NXPH1: variants seen among roughly 807,000 people sequenced by gnomAD.
The protein encoded by NXPH1 is neurexophilin 1, also known as neurexophilin-1.
Under a neutral mutation model 23.7 loss-of-function variants are expected in NXPH1, and 5 were observed. The ratio of observed to expected loss-of-function variants is 0.21; its 90% CI spans 0.11 to 0.44. NXPH1 has a LOEUF of 0.44. NXPH1 is among the 20% of genes least tolerant of loss of function. NXPH1 has a pLI of 0.99. For missense variants in NXPH1, 324 were observed against 321.6 expected, an observed-to-expected ratio of 1.01 and a Z score of -0.06; for synonymous variants, 144 against 122.2, an observed-to-expected ratio of 1.18 and a Z score of -1.18.
At chr7:8,663,607 A>G (rs1193161905) in intron 2 of NXPH1, among the ~76,000 whole-genome samples, 1 of 152,164 alleles carries the variant, frequency 6.6e-6, no homozygotes, top group East Asian at 1.9e-4. Context: ...CTCAATTGCC[A>G]AAATATAAAG....
Position 8,468,932 on chromosome 7 carries a change from G to T in NXPH1, c.54+33165G>T, listed in dbSNP as rs2057862. Among the ~76,000 whole-genome samples, 3 of 151,768 alleles carry T rather than the reference G, an allele frequency of 2.0e-5. No individual in the cohort carries two copies. In the South Asian group the frequency reaches 6.2e-4, roughly 32 times the overall value. On this transcript the variant is annotated intron_variant, in intron 2 of 2. Coordinates refer to ENST00000405863, the MANE Select transcript of NXPH1 (RefSeq NM_152745.3). ...AAAGTATATAAGGCAATTTTTAAGA[G>T]TGTTAAATTTTTATCTGTGATTTTG...
At chr7:8,590,790 A>C (rs907685393) in intron 2 of NXPH1, among the ~76,000 whole-genome samples, 1 of 150,000 alleles carries the variant, frequency 6.7e-6, no homozygotes, top group African/African-American at 2.5e-5. Context: ...TAGCATATTT[A>C]TTTAGTTTTT....
In NXPH1 at chr7:8,743,094, A is replaced by G. The variant is rs1184640038; in HGVS notation, c.55-7914A>G. 4.6e-5 allele frequency among the ~76,000 whole-genome samples: 7 copies of G among 152,208 alleles called. No individual in the cohort carries two copies. In the South Asian group the frequency reaches 1.4e-3, roughly 32 times the overall value. On this transcript the variant is annotated intron_variant, in intron 2 of 2. Transcript: ENST00000405863. ...CAACATATATTGAACATAGGTAACC[A>G]TAAACCACTAAAATGAAGTTGTAAT...
intron 2 of NXPH1, among the ~76,000 whole-genome samples, chr7:8,723,900 A>G (rs550950174): frequency 1.3e-5 from 2 of 152,322 alleles, no homozygotes; most frequent in African/African-American, 2.4e-5. Flanking sequence ...TCCTGAGACT[A>G]AAGGGAAAAG....
intron 2 of NXPH1, among the ~76,000 whole-genome samples, chr7:8,728,362 C>A (rs1780092200): frequency 6.6e-6 from 1 of 152,038 alleles, no homozygotes; most frequent in Non-Finnish European, 1.5e-5. Context: ...CTGGCCAGAA[C>A]TTCCAACACT....
intron 2 of NXPH1, among the ~76,000 whole-genome samples, chr7:8,737,522 C>T (rs553528453): frequency 6.6e-6 from 1 of 152,164 alleles, no homozygotes; most frequent in African/African-American, 2.4e-5. Context: ...GATGGGCTTC[C>T]CTTTGTGGGT....
chr7:8,599,738 C>T (rs1200297797), intron 2 of NXPH1, among the ~76,000 whole-genome samples: 2 of 151,794 alleles, frequency 1.3e-5, no homozygotes, highest in Non-Finnish European at 2.9e-5. Flanking sequence ...CAGTAAACAG[C>T]ACCATTACAG....
At position 8,442,252 on chromosome 7, in the gene NXPH1, GA is replaced by G. The variant is rs1816315291; in HGVS notation, c.54+6487del. ...ATCGCCTCATCTGCATGAGAATGGA[GA>G]ACCGGGAGGCTTTTCTTGTACTGTT... On this transcript the variant is annotated intron_variant, in intron 2 of 2. Coordinates refer to ENST00000405863, the MANE Select transcript of NXPH1 (RefSeq NM_152745.3). This position sits in a 1 kb window ranked among gnomAD's most constrained non-coding sequence, Gnocchi z 4.6. 6.6e-6 allele frequency among the ~76,000 whole-genome samples: 1 copy of G among 152,230 alleles called. No individual in the cohort carries two copies. The highest frequency in any genetic ancestry group is 1.5e-5 in the Non-Finnish European group (1 of 68,032).
At chr7:8,568,100 A>G (rs1818579584) in intron 2 of NXPH1, among the ~76,000 whole-genome samples, 1 of 151,908 alleles carries the variant, frequency 6.6e-6, no homozygotes, top group Non-Finnish European at 1.5e-5. Context: ...TATTCATCCT[A>G]AGTCCTTCAA....
chr7:8,549,021 C>T (rs1259693322), intron 2 of NXPH1, among the ~76,000 whole-genome samples: 1 of 151,496 alleles, frequency 6.6e-6, no homozygotes, highest in Non-Finnish European at 1.5e-5. Context: ...TGTTGTAGAA[C>T]TCCTTTGTTT....
Position 8,751,536 on chromosome 7 carries a change from C to T in NXPH1, c.583C>T (p.Arg195Cys). ...DAKDSKSFNC[R>C]IEYEKVDKAT... ...CAAAGATTCCAAGTCTTTTAATTGTCGCATTGAATATGAAAAGGTTGACAA... is the reference window on the plus strand; with the variant it reads ...CAAAGATTCCAAGTCTTTTAATTGTTGCATTGAATATGAAAAGGTTGACAA... The change falls in exon 3 of 3, where the codon CGC (arginine) becomes TGC (cysteine). Residue 195 changes from arginine (R) to cysteine (C), a missense_variant. By Grantham distance (180) the Arg-to-Cys change is radical. Coordinates refer to ENST00000405863, the MANE Select transcript of NXPH1 (RefSeq NM_152745.3). The surrounding 1 kb of genome is among the most constrained non-coding windows in gnomAD (Gnocchi z 4.5). 11 of 1,613,372 alleles carry T rather than the reference C, an allele frequency of 6.8e-6. No homozygotes were observed. Among genetic ancestry groups the T allele is most frequent in the African/African-American group, 1.3e-5 (1 of 75,010 alleles).
intron 2 of NXPH1, among the ~76,000 whole-genome samples, chr7:8,622,247 T>G (rs764095628): frequency 9.9e-5 from 15 of 152,216 alleles, no homozygotes; most frequent in Admixed American, 5.9e-4. Context: ...GTATTTGCAT[T>G]ATTATTTCAT....
chr7:8,595,162 A>G (rs1459737769), intron 2 of NXPH1, among the ~76,000 whole-genome samples: 1 of 152,002 alleles, frequency 6.6e-6, no homozygotes, highest in South Asian at 2.1e-4. Flanking sequence ...GGTTTTCTCT[A>G]GTATAAAGAA....
At chr7:8,680,695 A>G (rs1404168530) in intron 2 of NXPH1, among the ~76,000 whole-genome samples, 1 of 152,248 alleles carries the variant, frequency 6.6e-6, no homozygotes, top group Non-Finnish European at 1.5e-5. Context: ...TTATGCAATG[A>G]TCAAAGGAAT....
chr7:8,549,053 C>T (rs994809513), intron 2 of NXPH1, among the ~76,000 whole-genome samples: 1 of 151,418 alleles, frequency 6.6e-6, no homozygotes, highest in African/African-American at 2.4e-5. Context: ...GATAAAGTCC[C>T]ACTAATTATC....
intron 2 of NXPH1, among the ~76,000 whole-genome samples, chr7:8,718,887 G>C (rs1562464285): frequency 6.6e-6 from 1 of 152,168 alleles, no homozygotes; most frequent in Non-Finnish European, 1.5e-5. Context: ...GCCATCTACA[G>C]CTTTCTACCT....
chr7:8,656,507 GTTT>G (rs200902214), intron 2 of NXPH1, among the ~76,000 whole-genome samples: 97,076 of 136,820 alleles, frequency 0.71, 33,541 homozygotes, highest in South Asian at 0.87. Flanking sequence ...TAGAGTTAAT[GTTT>G]TTTTTTTTTT....
intron 2 of NXPH1, among the ~76,000 whole-genome samples, chr7:8,481,009 C>T (rs1446004428): frequency 2.6e-5 from 4 of 152,150 alleles, no homozygotes; most frequent in African/African-American, 7.2e-5. Flanking sequence ...AGTGAGGTTT[C>T]ATTTGTACAT....
At chr7:8,731,466 G>T (rs1462642270) in intron 2 of NXPH1, among the ~76,000 whole-genome samples, 1 of 152,126 alleles carries the variant, frequency 6.6e-6, no homozygotes, top group Non-Finnish European at 1.5e-5. Context: ...CCCCATCTTT[G>T]TGATTTTATC....
Sources: gnomAD v4.1 joint callset for allele counts (sites outside exome capture counted in the v4.1 genomes callset) on GRCh38, gnomAD v4.1.1 for gene constraint, Gnocchi (gnomAD v3.1) non-coding constraint, MANE v1.5 for transcripts, NCBI Gene and HGNC (gene_info 2026-07-23, HGNC 2026-07-21) for gene names.